RERE: variants seen among roughly 807,000 people sequenced by gnomAD.
RERE encodes the protein arginine-glutamic acid dipeptide repeats protein.
In RERE, 40 loss-of-function variants were observed where a neutral mutation model predicts 146.1. That is an observed-to-expected ratio of 0.27 (90% CI 0.21 to 0.36). The LOEUF (loss-of-function observed/expected upper bound fraction) is 0.36, where lower values mean the gene tolerates loss of function less well. Ranked by LOEUF, RERE falls within the 10% of genes least tolerant of loss-of-function variation. RERE has a pLI of 1.00. For missense variants in RERE, 1,933 were observed against 2,138.7 expected, an observed-to-expected ratio of 0.90 and a Z score of 1.90; for synonymous variants, 1,003 against 866.0, an observed-to-expected ratio of 1.16 and a Z score of -2.78.
At chr1:8,635,066 C>T (rs978591143) in intron 2 of RERE, among the ~76,000 whole-genome samples, 5 of 152,154 alleles carry the variant, frequency 3.3e-5, no homozygotes, top group African/African-American at 7.2e-5. Context: ...TAATTTAAAA[C>T]ATCAAGACAC....
chr1:8,381,823 T>G (rs1185337055), intron 12 of RERE, among the ~76,000 whole-genome samples: 1 of 152,236 alleles, frequency 6.6e-6, no homozygotes, highest in Non-Finnish European at 1.5e-5. Flanking sequence ...CACACGTGTT[T>G]TTTGTTTTAC....
Position 8,656,320 on chromosome 1 carries a change from G to A in RERE, c.-23C>T, listed in dbSNP as rs1487141828. ...CATGATTCGCCACGTGCCTTCTTCT[G>A]TCCTCTCACGGCTAGGCCTCCGTGA... On this transcript the variant is annotated 5_prime_UTR_variant, in exon 2 of 23. Transcript: ENST00000400908. The A allele has an allele frequency of 6.2e-6, 10 of 1,604,794 alleles. No homozygotes were observed. The highest frequency in any genetic ancestry group is 8.5e-6 in the Non-Finnish European group (10 of 1,175,468).
intron 10 of RERE, among the ~76,000 whole-genome samples, chr1:8,467,919 C>A (rs926711051): frequency 6.6e-6 from 1 of 152,240 alleles, no homozygotes; most frequent in Non-Finnish European, 1.5e-5. Flanking sequence ...ATTGGGATAA[C>A]AGGCATGAGC....
intron 10 of RERE, among the ~76,000 whole-genome samples, chr1:8,467,926 G>C (rs1334533875): frequency 6.6e-6 from 1 of 152,214 alleles, no homozygotes; most frequent in Non-Finnish European, 1.5e-5. Flanking sequence ...TAACAGGCAT[G>C]AGCCACCGCA....
chr1:8,703,229 G>A (rs1368915785), intron 1 of RERE: 3 of 150,622 alleles, frequency 2.0e-5, no homozygotes, highest in Non-Finnish European at 4.4e-5. Context: ...GCAGGGCACC[G>A]CGGCGCGGGC....
chr1:8,382,892 A>AGCC (rs1394296654), intron 12 of RERE, among the ~76,000 whole-genome samples: 1 of 152,060 alleles, frequency 6.6e-6, no homozygotes, highest in African/African-American at 2.4e-5. Flanking sequence ...GCCAAAAAGG[A>AGCC]GCCGGCACAC....
chr1:8,748,247 T>C (rs1640462661), intron 1 of RERE, among the ~76,000 whole-genome samples: 1 of 152,130 alleles, frequency 6.6e-6, no homozygotes, highest in East Asian at 1.9e-4. Flanking sequence ...TGCTGGTAAA[T>C]AGTGGAGCTG....
At position 8,737,028 on chromosome 1, in the gene RERE, C is replaced by T. The variant is rs570118572; in HGVS notation, c.-145+80132G>A. ...TCTTTAGAAAATGTATTCCTCTTTCCTCTGAAGACTCAGAAGCAGACCTTT... is the reference window on the plus strand; with the variant it reads ...TCTTTAGAAAATGTATTCCTCTTTCTTCTGAAGACTCAGAAGCAGACCTTT... On this transcript the variant is annotated intron_variant, in intron 1 of 22. Transcript: ENST00000400908. 1.8e-3 allele frequency among the ~76,000 whole-genome samples: 281 copies of T among 152,212 alleles called. 2 individuals are homozygous for T. The highest frequency in any genetic ancestry group is 6.6e-3 in the African/African-American group (272 of 41,526).
intron 4 of RERE, among the ~76,000 whole-genome samples, chr1:8,601,934 G>C (rs1646636955): frequency 6.8e-6 from 1 of 147,340 alleles, no homozygotes; most frequent in South Asian, 2.2e-4. Flanking sequence ...GCATCGAAGA[G>C]AAACTTCACT....
intron 4 of RERE, among the ~76,000 whole-genome samples, chr1:8,606,434 T>C (rs977273187): frequency 6.6e-6 from 1 of 151,606 alleles, no homozygotes; most frequent in South Asian, 2.1e-4. Flanking sequence ...ATACATACTT[T>C]AAAAAAAAAT....
intron 12 of RERE, among the ~76,000 whole-genome samples, chr1:8,375,723 A>T (rs1307830822): frequency 7.1e-6 from 1 of 140,692 alleles, no homozygotes; most frequent in Non-Finnish European, 1.5e-5. Flanking sequence ...CTCACTCAGC[A>T]GCCACTGAAA....
At chr1:8,787,849 A>AT (rs1641286839) in intron 1 of RERE, among the ~76,000 whole-genome samples, 1 of 150,872 alleles carries the variant, frequency 6.6e-6, no homozygotes, top group Non-Finnish European at 1.5e-5. Flanking sequence ...AAAAAAAAAA[A>AT]TGTGCTTTGG....
intron 1 of RERE, among the ~76,000 whole-genome samples, chr1:8,732,808 C>CTTTTTTTTT (rs59337140): frequency 6.1e-4 from 40 of 65,728 alleles, no homozygotes; most frequent in African/African-American, 6.6e-4. Flanking sequence ...TTCAATTTTT[C>CTTTTTTTTT]TTTTTTTTTT....
At chr1:8,729,795 A>G (rs977799691) in intron 1 of RERE, among the ~76,000 whole-genome samples, 1 of 152,164 alleles carries the variant, frequency 6.6e-6, no homozygotes, top group African/African-American at 2.4e-5. Flanking sequence ...CATATTAAGA[A>G]AATGAAATTA....
chr1:8,730,474 C>G (rs1297584257), intron 1 of RERE, among the ~76,000 whole-genome samples: 1 of 152,106 alleles, frequency 6.6e-6, no homozygotes, highest in Non-Finnish European at 1.5e-5. Flanking sequence ...TCCCAAGTAG[C>G]TGGGATTACA....
chr1:8,489,263 G>A (rs1644944529), intron 10 of RERE, among the ~76,000 whole-genome samples: 1 of 151,910 alleles, frequency 6.6e-6, no homozygotes. Context: ...AGGAGGTTGA[G>A]GCAGGAGGAT....
intron 7 of RERE, among the ~76,000 whole-genome samples, chr1:8,527,970 T>C (rs1218416535): frequency 6.6e-6 from 1 of 152,194 alleles, no homozygotes; most frequent in Admixed American, 6.5e-5. Flanking sequence ...TGTACCTCTC[T>C]GGGGAACTGC....
intron 11 of RERE, among the ~76,000 whole-genome samples, chr1:8,430,564 C>G (rs1416303113): frequency 6.6e-6 from 1 of 152,200 alleles, no homozygotes; most frequent in Non-Finnish European, 1.5e-5. Context: ...TCTATTCAGA[C>G]TAACGTCCTC....
intron 4 of RERE, among the ~76,000 whole-genome samples, chr1:8,595,773 G>C (rs1034783340): frequency 6.6e-6 from 1 of 152,142 alleles, no homozygotes; most frequent in Admixed American, 6.5e-5. Flanking sequence ...TGGTTAGAGG[G>C]ATGTATTGGT....
Sources: gnomAD v4.1 joint callset for allele counts (sites outside exome capture counted in the v4.1 genomes callset) on GRCh38, gnomAD v4.1.1 for gene constraint, MANE v1.5 for transcripts, NCBI Gene and HGNC (gene_info 2026-07-23, HGNC 2026-07-21) for gene names.